ABHD17C: variants seen among roughly 807,000 people sequenced by gnomAD.
The protein encoded by ABHD17C is alpha/beta hydrolase domain-containing protein 17C.
ABHD17C carries 11 observed loss-of-function variants against 27.9 expected under a neutral mutation model. That is an observed-to-expected ratio of 0.39 (90% CI 0.25 to 0.65). The LOEUF is 0.65. Among genes scored for constraint, ABHD17C ranks in the 30% least tolerant of loss-of-function variants. The pLI is 0.45. For missense variants in ABHD17C, 280 were observed against 470.2 expected (o/e 0.60, Z 3.74); for synonymous variants, 233 against 209.1 (o/e 1.11, Z -0.98).
At chr15:80,727,623 G>C (rs1167454613) in intron 1 of ABHD17C, among the ~76,000 whole-genome samples, 1 of 152,010 alleles carries the variant, frequency 6.6e-6, no homozygotes, top group Non-Finnish European at 1.5e-5. Context: ...GAACAGTATG[G>C]GTGAGGACTG....
intron 1 of ABHD17C, among the ~76,000 whole-genome samples, chr15:80,748,862 G>T (rs148967198): frequency 3.6e-4 from 55 of 151,724 alleles, no homozygotes; most frequent in African/African-American, 1.3e-3. Context: ...TTAGGTCTCT[G>T]CACGCACCAG....
At chr15:80,713,215 A>G (rs1392398022) in intron 1 of ABHD17C, among the ~76,000 whole-genome samples, 1 of 152,116 alleles carries the variant, frequency 6.6e-6, no homozygotes, top group Non-Finnish European at 1.5e-5. Flanking sequence ...CCACAGAGCC[A>G]GGCTCTCCTT....
chr15:80,730,519 CGTT>C (rs1895043978), intron 1 of ABHD17C, among the ~76,000 whole-genome samples: 1 of 152,292 alleles, frequency 6.6e-6, no homozygotes, highest in South Asian at 2.1e-4. Context: ...CTGTTTGAGA[CGTT>C]GTTGGCATGC....
intron 1 of ABHD17C, among the ~76,000 whole-genome samples, chr15:80,741,153 G>T (rs182230094): frequency 6.6e-6 from 1 of 151,820 alleles, no homozygotes; most frequent in Non-Finnish European, 1.5e-5. Context: ...GTATGTCTTG[G>T]CTCCCCAGTT....
At chr15:80,713,382 T>TTTTTTTTTTTTTA (rs1567032390) in intron 1 of ABHD17C, among the ~76,000 whole-genome samples, 1 of 96,044 alleles carries the variant, frequency 1.0e-5, no homozygotes, top group Non-Finnish European at 2.5e-5. Flanking sequence ...TTTTTTTTTT[T>TTTTTTTTTTTTTA]CAAAATCAGC....
At chr15:80,737,534 G>T (rs536320783) in intron 1 of ABHD17C, among the ~76,000 whole-genome samples, 1 of 152,254 alleles carries the variant, frequency 6.6e-6, no homozygotes, top group East Asian at 1.9e-4. Context: ...TTGTTAACTT[G>T]CCCAAAGGGA....
At chr15:80,734,626 T>C (rs944175174) in intron 1 of ABHD17C, among the ~76,000 whole-genome samples, 4 of 152,218 alleles carry the variant, frequency 2.6e-5, no homozygotes, top group African/African-American at 7.2e-5. Context: ...GAAGTCATCA[T>C]GTCAGGTCTT....
chr15:80,695,440 C>T lies in ABHD17C; in HGVS notation c.11C>T (p.Pro4Leu), dbSNP rs1894476981. ...CACCAGGCCGTCCCGATGCCCGAGC[C>T]AGGCCCCAGGATGAACGGCTTCTCG... The part of the protein sequence containing the change: MPE[P>L]GPRMNGFSLG... Residue 4 changes from proline to leucine, a missense_variant, in exon 1 of 3, where the codon CCA (proline) becomes CTA (leucine). Coordinates refer to ENST00000258884, the MANE Select transcript of ABHD17C (RefSeq NM_021214.2). The surrounding 1 kb of genome is among the most constrained non-coding windows in gnomAD (Gnocchi z 4.3). 3 of 1,348,584 alleles carry T rather than the reference C, an allele frequency of 2.2e-6. No homozygotes were observed. 83.5% of individuals were successfully genotyped at this position (1,348,584 alleles called of 1,614,324 possible).
At chr15:80,733,233 G>C (rs561429764) in intron 1 of ABHD17C, among the ~76,000 whole-genome samples, 219 of 152,240 alleles carry the variant, frequency 1.4e-3, no homozygotes, top group African/African-American at 5.1e-3. Context: ...ACATACTCCA[G>C]GTTACTTACA....
chr15:80,726,607 C>T (rs908402564), intron 1 of ABHD17C, among the ~76,000 whole-genome samples: 2 of 146,620 alleles, frequency 1.4e-5, no homozygotes, highest in African/African-American at 2.6e-5. Flanking sequence ...CGCCCCCCCG[C>T]GTTCACACCA....
chr15:80,746,924 A>C (rs1185311389), intron 1 of ABHD17C, among the ~76,000 whole-genome samples: 1 of 152,182 alleles, frequency 6.6e-6, no homozygotes, highest in African/African-American at 2.4e-5. Context: ...GTTATCCTAT[A>C]TAATCCTCTC....
At chr15:80,719,836 C>G (rs892824942) in intron 1 of ABHD17C, among the ~76,000 whole-genome samples, 1 of 152,144 alleles carries the variant, frequency 6.6e-6, no homozygotes, top group Non-Finnish European at 1.5e-5. Context: ...CTTGTTCTAT[C>G]GCTCAGGATG....
chr15:80,700,685 C>T (rs1304306960), intron 1 of ABHD17C, among the ~76,000 whole-genome samples: 1 of 152,074 alleles, frequency 6.6e-6, no homozygotes, highest in Non-Finnish European at 1.5e-5. Flanking sequence ...ATCACTTGAG[C>T]CCAGGAGTTC....
chr15:80,698,339 C>G (rs1028957945), intron 1 of ABHD17C, among the ~76,000 whole-genome samples: 1 of 152,226 alleles, frequency 6.6e-6, no homozygotes, highest in Middle Eastern at 3.4e-3. Flanking sequence ...GCTGGGATTA[C>G]AGGCGTGAGC....
intron 1 of ABHD17C, among the ~76,000 whole-genome samples, chr15:80,710,819 C>G (rs1312362251): frequency 2.0e-5 from 3 of 152,064 alleles, no homozygotes; most frequent in Non-Finnish European, 4.4e-5. Context: ...AATCTTCCTG[C>G]CCCTGCCTCT....
At chr15:80,706,319 G>A (rs1894647797) in intron 1 of ABHD17C, among the ~76,000 whole-genome samples, 1 of 152,186 alleles carries the variant, frequency 6.6e-6, no homozygotes, top group East Asian at 1.9e-4. Flanking sequence ...TGTTTTCCAG[G>A]AAGTCGAGGT....
chr15:80,724,230 A>C (rs566738667), intron 1 of ABHD17C, among the ~76,000 whole-genome samples: 2 of 152,176 alleles, frequency 1.3e-5, no homozygotes, highest in Middle Eastern at 6.8e-3. Context: ...TAATCCCAGA[A>C]GGTGGGAGGA....
intron 1 of ABHD17C, among the ~76,000 whole-genome samples, chr15:80,716,130 A>G (rs1894800720): frequency 6.6e-6 from 1 of 152,284 alleles, no homozygotes; most frequent in South Asian, 2.1e-4. Flanking sequence ...TGATGTGTTT[A>G]TGGAGTCTGC....
chr15:80,749,477 C>T (rs1567039646), intron 1 of ABHD17C, 36 bp from the exon 2 acceptor site: 1 of 1,601,982 alleles, frequency 6.2e-7, no homozygotes, highest in Non-Finnish European at 8.5e-7. Flanking sequence ...TTTCTTCATA[C>T]CTTAGCTAAT....
Sources: gnomAD v4.1 joint callset for allele counts (sites outside exome capture counted in the v4.1 genomes callset) on GRCh38, gnomAD v4.1.1 for gene constraint, Gnocchi (gnomAD v3.1) non-coding constraint, MANE v1.5 for transcripts, NCBI Gene and HGNC (gene_info 2026-07-23, HGNC 2026-07-21) for gene names.